CLASP1: variants seen among roughly 807,000 people sequenced by gnomAD.
CLASP1 encodes CLIP-associating protein 1.
CLASP1 carries 38 observed loss-of-function variants against 192.3 expected under a neutral mutation model. That is an observed-to-expected ratio of 0.20 (90% CI 0.15 to 0.26). CLASP1 has a LOEUF of 0.26. Ranked by LOEUF, CLASP1 falls within the 10% of genes least tolerant of loss-of-function variation. CLASP1 has a pLI of 1.00. For missense variants in CLASP1, 1,433 were observed against 1,932.5 expected (o/e 0.74, Z 4.85); for synonymous variants, 691 against 712.8 (o/e 0.97, Z 0.49).
rs1324145197 is a variant in CLASP1 at position 121,530,335 on chromosome 2, G to T, written c.196-10C>A. 3.2e-6 allele frequency: 5 copies of T among 1,547,164 alleles called. No homozygotes were observed. The South Asian group carries it at 6.0e-5, about 18-fold the overall frequency. The stretch of plus-strand genomic sequence containing the variant: ...TGCCCAGCAGAACCACCTGCAGCGG[G>T]AAACACCGGGAGCCTGTTAGCAGCC... On this transcript the variant is annotated splice_polypyrimidine_tract_variant and intron_variant, in intron 2 of 39. Transcript: ENST00000263710.
intron 23 of CLASP1, among the ~76,000 whole-genome samples, chr2:121,412,253 A>T (rs1474121729): frequency 6.6e-6 from 1 of 152,214 alleles, no homozygotes; most frequent in Non-Finnish European, 1.5e-5. Context: ...TGAATTTTTT[A>T]AAAAGAAACA....
chr2:121,348,261 A>G (rs1270887437), intron 38 of CLASP1, among the ~76,000 whole-genome samples: 3 of 152,212 alleles, frequency 2.0e-5, no homozygotes, highest in African/African-American at 7.2e-5. Flanking sequence ...TGATCAAAGT[A>G]TGTTTATAGT....
chr2:121,458,788 C>T, intron 13 of CLASP1, 52 bp downstream of exon 13: 1 of 1,355,092 alleles, frequency 7.4e-7, no homozygotes, highest in Non-Finnish European at 9.8e-7. Context: ...TATTTATCAA[C>T]CATCAGTATT....
At chr2:121,480,907 G>C (rs1057357030) in intron 8 of CLASP1, among the ~76,000 whole-genome samples, 5 of 152,232 alleles carry the variant, frequency 3.3e-5, no homozygotes, top group African/African-American at 1.2e-4. Flanking sequence ...CTGCCTAAGA[G>C]AGAGGCAAAG....
At chr2:121,611,091 G>A (rs1159220185) in intron 1 of CLASP1, among the ~76,000 whole-genome samples, 2 of 138,326 alleles carry the variant, frequency 1.4e-5, no homozygotes, top group Non-Finnish European at 3.1e-5. Flanking sequence ...AGGAGTTGGA[G>A]GAGTTACAGG....
intron 2 of CLASP1, among the ~76,000 whole-genome samples, chr2:121,602,283 G>GA (rs1197753249): frequency 6.6e-6 from 1 of 151,688 alleles, no homozygotes; most frequent in Non-Finnish European, 1.5e-5. Context: ...CCTCTACAAG[G>GA]AAAACTACAA....
chr2:121,478,828 C>CACACA (rs2092147670), intron 8 of CLASP1, among the ~76,000 whole-genome samples: 3 of 82,578 alleles, frequency 3.6e-5, no homozygotes, highest in African/African-American at 1.8e-4. Flanking sequence ...CACAACCACA[C>CACACA]ACCACACACC....
chr2:121,370,496 C>T (rs2068412064), intron 34 of CLASP1, among the ~76,000 whole-genome samples: 3 of 152,184 alleles, frequency 2.0e-5, no homozygotes, highest in South Asian at 2.1e-4. Context: ...TGGCTAATTT[C>T]TTGTATTTAG....
chr2:121,503,840 C>T (rs1328813429), intron 7 of CLASP1: 1 of 152,062 alleles, frequency 6.6e-6, no homozygotes, highest in Non-Finnish European at 1.5e-5. Flanking sequence ...AAGCAAAATT[C>T]CTTAACCAGT....
At chr2:121,641,212 G>T (rs984665502) in intron 1 of CLASP1, among the ~76,000 whole-genome samples, 1 of 151,940 alleles carries the variant, frequency 6.6e-6, no homozygotes, top group Non-Finnish European at 1.5e-5. Flanking sequence ...GCTACTGTTC[G>T]TAACAGAGTC....
intron 2 of CLASP1, among the ~76,000 whole-genome samples, chr2:121,562,644 CTCT>C (rs2059188502): frequency 6.6e-6 from 1 of 152,196 alleles, no homozygotes; most frequent in Non-Finnish European, 1.5e-5. Flanking sequence ...CTACCTCAAA[CTCT>C]TCAATTATTT....
chr2:121,505,290 G>A (rs932346018), intron 7 of CLASP1: 5 of 152,172 alleles, frequency 3.3e-5, no homozygotes, highest in Non-Finnish European at 7.4e-5. Flanking sequence ...TTCTTTCTCA[G>A]TGGTGAGGCA....
intron 37 of CLASP1, among the ~76,000 whole-genome samples, chr2:121,349,795 T>C (rs1469539512): frequency 6.6e-6 from 1 of 152,160 alleles, no homozygotes; most frequent in Non-Finnish European, 1.5e-5. Flanking sequence ...CACAAGACCC[T>C]TTTGTAATAA....
intron 2 of CLASP1, among the ~76,000 whole-genome samples, chr2:121,563,407 A>G (rs1340283363): frequency 6.6e-6 from 1 of 152,180 alleles, no homozygotes; most frequent in Non-Finnish European, 1.5e-5. Context: ...CAGAAACCTC[A>G]TGTCTGGATT....
chr2:121,347,197 G>T (rs1464991042), intron 38 of CLASP1, 43 bp from the exon 40 acceptor site: 2 of 1,325,198 alleles, frequency 1.5e-6, no homozygotes, highest in Non-Finnish European at 2.1e-6. Flanking sequence ...CCAGATCAAA[G>T]ATTCATTCCA....
intron 39 of CLASP1, among the ~76,000 whole-genome samples, chr2:121,344,022 G>T (rs1364616909): frequency 1.3e-5 from 2 of 151,968 alleles, no homozygotes; most frequent in African/African-American, 2.4e-5. Flanking sequence ...AGTGAGCCAA[G>T]ATCACGTCAC....
At chr2:121,537,081 T>A (rs1286428822) in intron 2 of CLASP1, among the ~76,000 whole-genome samples, 2 of 152,136 alleles carry the variant, frequency 1.3e-5, no homozygotes, top group Non-Finnish European at 2.9e-5. Flanking sequence ...TATAAACCAC[T>A]GAATTATACA....
intron 8 of CLASP1, among the ~76,000 whole-genome samples, chr2:121,476,219 G>A (rs912006589): frequency 6.6e-6 from 1 of 152,152 alleles, no homozygotes; most frequent in Non-Finnish European, 1.5e-5. Flanking sequence ...GAGAGGCTGA[G>A]GGATAGCCAG....
At chr2:121,608,715 A>G (rs1371702601) in intron 1 of CLASP1, among the ~76,000 whole-genome samples, 1 of 152,216 alleles carries the variant, frequency 6.6e-6, no homozygotes, top group Non-Finnish European at 1.5e-5. Flanking sequence ...GTTTTATTTA[A>G]GCCACTAAAT....
Sources: allele counts gnomAD v4.1 joint callset (sites outside exome capture counted in the v4.1 genomes callset), GRCh38; gene constraint gnomAD v4.1.1; transcripts MANE v1.5; gene names NCBI Gene and HGNC (gene_info 2026-07-23, HGNC 2026-07-21).